Variants in CCDC7 observed in about 807,000 individuals in gnomAD.
CCDC7 encodes the protein coiled-coil domain containing 7, also known as coiled-coil domain-containing protein 7.
Under a neutral mutation model 196.9 loss-of-function variants are expected in CCDC7, and 183 were observed. The ratio of observed to expected loss-of-function variants is 0.93; its 90% CI spans 0.82 to 1.05. The LOEUF (loss-of-function observed/expected upper bound fraction) is 1.05, where lower values mean the gene tolerates loss of function less well. Among genes scored for constraint, CCDC7 ranks in the 50% least tolerant of loss-of-function variants. CCDC7 has a pLI of 0.00. For missense variants in CCDC7, 1,540 were observed against 1,482.2 expected (o/e 1.04, Z -0.64); for synonymous variants, 525 against 484.6 (o/e 1.08, Z -1.10).
intron 9 of CCDC7, among the ~76,000 whole-genome samples, chr10:32,493,218 A>C (rs996944146): frequency 2.6e-5 from 4 of 151,712 alleles, no homozygotes; most frequent in African/African-American, 9.7e-5. Flanking sequence ...TATTTCCATG[A>C]GTTTGACTTT....
intron 1 of CCDC7, among the ~76,000 whole-genome samples, chr10:32,452,403 G>A (rs377006693): frequency 9.8e-5 from 15 of 152,298 alleles, no homozygotes; most frequent in African/African-American, 3.1e-4. Flanking sequence ...TTGCAAGCAG[G>A]CCTTCCTAAG....
intron 18 of CCDC7, among the ~76,000 whole-genome samples, chr10:32,622,347 T>C (rs2063509199): frequency 6.6e-6 from 1 of 152,038 alleles, no homozygotes; most frequent in South Asian, 2.1e-4. Context: ...TGAAGAATTA[T>C]TGTATAAATA....
chr10:32,773,427 A>AT (rs908852624), intron 28 of CCDC7, among the ~76,000 whole-genome samples: 11 of 150,684 alleles, frequency 7.3e-5, no homozygotes, highest in Admixed American at 2.6e-4. Flanking sequence ...GAGTTCACTG[A>AT]TTTTTTTTCC....
At chr10:32,826,129 A>C (rs1305701069) in intron 32 of CCDC7, among the ~76,000 whole-genome samples, 2 of 152,188 alleles carry the variant, frequency 1.3e-5, no homozygotes, top group Non-Finnish European at 2.9e-5. Context: ...TATTCTCCTC[A>C]GGAACCACCT....
chr10:32,569,427 CTTTCT>C (rs1401615440), intron 15 of CCDC7, among the ~76,000 whole-genome samples: 1 of 151,686 alleles, frequency 6.6e-6, no homozygotes, highest in East Asian at 1.9e-4. Context: ...TTTTTTCTTT[CTTTCT>C]TTTCATTTTT....
At chr10:32,658,984 C>A (rs560172686) in intron 20 of CCDC7, among the ~76,000 whole-genome samples, 10 of 151,406 alleles carry the variant, frequency 6.6e-5, no homozygotes, top group African/African-American at 2.4e-4. Context: ...AAAGAATAAG[C>A]TCTTAGTTTT....
intron 9 of CCDC7, among the ~76,000 whole-genome samples, chr10:32,498,336 A>T (rs895977481): frequency 1.3e-5 from 2 of 151,798 alleles, no homozygotes; most frequent in African/African-American, 4.8e-5. Flanking sequence ...TCTTTGTCCA[A>T]TTTGCCAGTC....
chr10:32,787,644 C>A (rs2082076588), intron 29 of CCDC7, among the ~76,000 whole-genome samples: 1 of 152,182 alleles, frequency 6.6e-6, no homozygotes, highest in African/African-American at 2.4e-5. Context: ...AGCCAGGCCC[C>A]TACAGCCACA....
intron 8 of CCDC7, among the ~76,000 whole-genome samples, chr10:32,476,995 G>A (rs73251531): frequency 0.052 from 7,863 of 152,124 alleles, 672 homozygotes; most frequent in African/African-American, 0.18. Context: ...TATTCTCTCA[G>A]TCTGTGGCTT....
downstream of CCDC7, chr10:32,877,281 G>T (rs1593767601): frequency 6.6e-6 from 1 of 152,048 alleles, no homozygotes; most frequent in South Asian, 2.1e-4. Flanking sequence ...AATAAATGGA[G>T]AAATTATTCC....
downstream of CCDC7, among the ~76,000 whole-genome samples, chr10:32,879,933 T>G (rs2094728641): frequency 6.6e-6 from 1 of 152,170 alleles, no homozygotes; most frequent in Non-Finnish European, 1.5e-5. Flanking sequence ...ATGTACATTT[T>G]CTTTATCCAG....
intron 21 of CCDC7, among the ~76,000 whole-genome samples, chr10:32,669,227 G>A (rs1565056936): frequency 6.6e-6 from 1 of 152,006 alleles, no homozygotes. Context: ...AACCATCCTT[G>A]CACCCAGGAG....
intron 28 of CCDC7, among the ~76,000 whole-genome samples, chr10:32,738,473 C>CTTTTTTTTTTTTTTTTT: frequency 9.1e-6 from 1 of 109,680 alleles, no homozygotes; most frequent in Non-Finnish European, 1.7e-5. Flanking sequence ...GTTTCTTTCA[C>CTTTTTTTTTTTTTTTTT]TTTTTTTTTT....
intron 13 of CCDC7, among the ~76,000 whole-genome samples, chr10:32,562,392 A>T (rs2055872335): frequency 3.9e-5 from 6 of 152,238 alleles, no homozygotes. Context: ...CATTGATGTA[A>T]AAATCCTCAA....
At chr10:32,575,419 G>A (rs962268835) in intron 16 of CCDC7, among the ~76,000 whole-genome samples, 5 of 152,194 alleles carry the variant, frequency 3.3e-5, no homozygotes, top group African/African-American at 1.2e-4. Context: ...GGAAGCAATA[G>A]AGGATATAAT....
chr10:32,491,915 A>T lies in CCDC7; in HGVS notation c.797-7A>T, dbSNP rs755167559. ...ACCTTTAACATTTTTGACTTTTTAA[A>T]TAATAGAAACTGCTCATTCAATGAC... On this transcript the variant is annotated splice_polypyrimidine_tract_variant and splice_region_variant and intron_variant, in intron 8 of 41. Transcript: ENST00000639629. 1.3e-6 allele frequency: 2 copies of T among 1,543,862 alleles called. No homozygotes were observed. The highest frequency in any genetic ancestry group is 2.4e-5 in the East Asian group (1 of 42,092).
intron 28 of CCDC7, among the ~76,000 whole-genome samples, chr10:32,745,326 A>C (rs2074531096): frequency 1.3e-5 from 2 of 152,170 alleles, no homozygotes; most frequent in Admixed American, 6.5e-5. Flanking sequence ...AGGATGGGTA[A>C]TTTATAAAGA....
intron 23 of CCDC7, among the ~76,000 whole-genome samples, chr10:32,692,035 A>G (rs1370809724): frequency 6.6e-6 from 1 of 152,196 alleles, no homozygotes; most frequent in African/African-American, 2.4e-5. Flanking sequence ...CCCTAAGTTA[A>G]ACAAGATTAT....
At chr10:32,676,093 T>TTTGTCAA (rs2074918988) in intron 21 of CCDC7, among the ~76,000 whole-genome samples, 1 of 150,312 alleles carries the variant, frequency 6.7e-6, no homozygotes, top group Non-Finnish European at 1.5e-5. Flanking sequence ...TATCTACAAC[T>TTTGTCAA]ACCTGATCTT....
Sources: gnomAD v4.1 joint callset for allele counts (sites outside exome capture counted in the v4.1 genomes callset) on GRCh38, gnomAD v4.1.1 for gene constraint, MANE v1.5 for transcripts, NCBI Gene and HGNC (gene_info 2026-07-23, HGNC 2026-07-21) for gene names.